Variants in ANGPTL5 observed in about 807,000 individuals in gnomAD.
The protein encoded by ANGPTL5 is angiopoietin-related protein 5.
A neutral mutation model predicts 39.4 loss-of-function variants in ANGPTL5; 34 were observed. That is an observed-to-expected ratio of 0.86 (90% CI 0.66 to 1.15). ANGPTL5 has a LOEUF of 1.15. ANGPTL5 is among the 50% of genes most tolerant of loss of function. ANGPTL5 has a pLI of 0.00. For missense variants in ANGPTL5, 467 were observed against 457.5 expected (o/e 1.02, Z -0.19); for synonymous variants, 146 against 152.1 (o/e 0.96, Z 0.29).
At chr11:101,897,689 C>T (rs1011858836) in intron 7 of ANGPTL5, among the ~76,000 whole-genome samples, 1 of 152,038 alleles carries the variant, frequency 6.6e-6, no homozygotes, top group Non-Finnish European at 1.5e-5. Flanking sequence ...ATTTCTGAGG[C>T]CTCTGTTCTA....
chr11:101,900,227 TA>T (rs1315013392), intron 7 of ANGPTL5, among the ~76,000 whole-genome samples: 4 of 152,210 alleles, frequency 2.6e-5, no homozygotes. Context: ...TTTCACCAGA[TA>T]TCTACAAATA....
rs1015891137 is a variant in ANGPTL5 at position 101,907,153 on chromosome 11, G to C, written c.191C>G (p.Ser64Ter). 3 of 1,593,236 alleles carry C rather than the reference G, an allele frequency of 1.9e-6. No individual in the cohort carries two copies. The highest frequency in any genetic ancestry group is 3.4e-5 in the Admixed American group (2 of 59,320). Residue 64 changes from serine (S) to a stop codon, truncating the protein, a stop_gained, in exon 3 of 9, where the codon TCA becomes TGA. Transcript: ENST00000334289. LOFTEE classifies it high-confidence loss of function. Reference protein sequence around the residue: ...DTVCKEDCEESCDVKTKITRE... With the variant: ...DTVCKEDCEE Reference sequence around the variant, plus strand: ...TGTAATTTTAGTTTTAACATCACATGATTCCTCACAGTCTTCCTTACAAAC... The same window carrying C: ...TGTAATTTTAGTTTTAACATCACATCATTCCTCACAGTCTTCCTTACAAAC...
At chr11:101,910,752 G>T (rs562127529) in intron 1 of ANGPTL5, among the ~76,000 whole-genome samples, 1 of 152,038 alleles carries the variant, frequency 6.6e-6, no homozygotes, top group Non-Finnish European at 1.5e-5. Context: ...TTGGCTCAAG[G>T]TTCAAACTGT....
At chr11:101,892,022 GA>G (rs1351251387) in intron 8 of ANGPTL5, among the ~76,000 whole-genome samples, 1 of 152,090 alleles carries the variant, frequency 6.6e-6, no homozygotes, top group African/African-American at 2.4e-5. Context: ...TTACCTTTAA[GA>G]AATTTAGATT....
At position 101,904,729 on chromosome 11, in the gene ANGPTL5, A is replaced by C. The variant is rs1939967777; in HGVS notation, c.439+85T>G. On this transcript the variant is annotated intron_variant, in intron 5 of 8. Coordinates refer to ENST00000334289, the MANE Select transcript of ANGPTL5 (RefSeq NM_178127.5). ...AACGGTGAGCTGTAGTTTTTAAATA[A>C]AACTTTTAAATGGATCGACCTGTCC... 1.0e-5 allele frequency: 13 copies of C among 1,256,614 alleles called. No homozygotes were observed. In the South Asian group the frequency reaches 1.1e-4, roughly 11 times the overall value. The allele number at this position is 1,256,614 out of a possible 1,614,324, so 77.8% of individuals were successfully genotyped here. A position where few individuals can be genotyped will look rare whatever the true frequency, so the allele number is the denominator to read the frequency against.
chr11:101,915,422 C>T (rs988980652), intron 1 of ANGPTL5: 1 of 1,600,856 alleles, frequency 6.2e-7, no homozygotes, highest in African/African-American at 1.3e-5. Context: ...TGTATCCTTC[C>T]CAGCCTGTGG....
At chr11:101,899,916 T>A (rs1939863310) in intron 7 of ANGPTL5, among the ~76,000 whole-genome samples, 1 of 152,246 alleles carries the variant, frequency 6.6e-6, no homozygotes, top group Non-Finnish European at 1.5e-5. Flanking sequence ...GGCAATAATG[T>A]AAACAGATTT....
chr11:101,906,113 T>A (rs1939993621), intron 3 of ANGPTL5, among the ~76,000 whole-genome samples: 2 of 152,108 alleles, frequency 1.3e-5, no homozygotes. Context: ...TCTGTTATCA[T>A]TAAGAGACAG....
chr11:101,907,241 A>G lies in ANGPTL5; in HGVS notation c.103T>C (p.Ser35Pro). Residue 35 changes from serine to proline, a missense_variant, in exon 3 of 9, where the codon TCA becomes CCA. Transcript: ENST00000334289. ...CCATCTTCTACAATGTTAACTACTG[A>G]AGAGTCCTTTATATTAAAAAATAGA... Reference protein sequence around the residue: ...GNCVHHSTDSSVVNIVEDGSN... With the variant: ...GNCVHHSTDSPVVNIVEDGSN... The G allele has an allele frequency of 1.3e-6, 2 of 1,491,706 alleles. No homozygotes were observed. Among genetic ancestry groups the G allele is most frequent in the Non-Finnish European group, 1.8e-6 (2 of 1,083,864 alleles). The allele number at this position is 1,491,706 out of a possible 1,614,324, so 92.4% of individuals were successfully genotyped here. A position where few individuals can be genotyped will look rare whatever the true frequency, so the allele number is the denominator to read the frequency against.
intron 8 of ANGPTL5, among the ~76,000 whole-genome samples, chr11:101,893,661 T>G (rs1040037872): frequency 2.0e-5 from 3 of 152,194 alleles, no homozygotes; most frequent in African/African-American, 7.2e-5. Flanking sequence ...ATATAGTATA[T>G]TCCACCTTTA....
In ANGPTL5 at chr11:101,894,871, A is replaced by T; in HGVS notation, c.847+8T>A. On this transcript the variant is annotated splice_region_variant and intron_variant, in intron 8 of 8. Coordinates refer to ENST00000334289, the MANE Select transcript of ANGPTL5 (RefSeq NM_178127.5). ...TCTGGATAATTTTAGGAATAAAAAA[A>T]ATCTTACCAGCATTTCCTGAATACC... The T allele has an allele frequency of 6.2e-7, 1 of 1,608,002 alleles. No individual in the cohort carries two copies. The highest frequency in any genetic ancestry group is 8.5e-7 in the Non-Finnish European group (1 of 1,174,814).
intron 1 of ANGPTL5, among the ~76,000 whole-genome samples, chr11:101,910,523 TCAA>T (rs1395213762): frequency 6.6e-6 from 1 of 151,782 alleles, no homozygotes; most frequent in African/African-American, 2.4e-5. Context: ...AAATAAAACA[TCAA>T]CGATTTATGA....
intron 6 of ANGPTL5, among the ~76,000 whole-genome samples, chr11:101,902,305 G>C (rs917113112): frequency 6.6e-6 from 1 of 152,058 alleles, no homozygotes; most frequent in African/African-American, 2.4e-5. Context: ...ATATTGCATA[G>C]TTCTGCCTGC....
rs1565338038 is a variant in ANGPTL5, at chr11:101,895,039, CT to C, written c.686del (p.Lys229ArgfsTer5). ...LLGEFWLGLK[K>X]IFYIVNQKNT... The stretch of plus-strand genomic sequence containing the variant: ...TTTTCTGATTTACTATATAAAAAAT[CT>C]TTTTCAGTCCTAGCCAAAATTCTCC... On this transcript the variant is annotated frameshift_variant, in exon 8 of 9. Transcript: ENST00000334289. LOFTEE classifies it high-confidence loss of function. 6.2e-7 allele frequency: 1 copy of C among 1,601,794 alleles called. No individual in the cohort carries two copies. Among genetic ancestry groups the C allele is most frequent in the East Asian group, 2.2e-5 (1 of 44,688 alleles).
At chr11:101,915,258 A>C in intron 1 of ANGPTL5, 1 of 1,612,246 alleles carries the variant, frequency 6.2e-7, no homozygotes, top group Non-Finnish European at 8.5e-7. Flanking sequence ...TCTGGGGGCG[A>C]GCAGACAGGC....
At chr11:101,897,988 CCG>C (rs1939829118) in intron 7 of ANGPTL5, among the ~76,000 whole-genome samples, 1 of 152,054 alleles carries the variant, frequency 6.6e-6, no homozygotes, top group African/African-American at 2.4e-5. Context: ...CTTTGGGAGG[CCG>C]AGGCAGGTGG....
chr11:101,913,481 G>A (rs1436881141), intron 1 of ANGPTL5, among the ~76,000 whole-genome samples: 1 of 152,134 alleles, frequency 6.6e-6, no homozygotes. Context: ...TTCAGTTGGA[G>A]GCACACTCCC....
intron 7 of ANGPTL5, among the ~76,000 whole-genome samples, chr11:101,896,324 A>G (rs1939794189): frequency 6.6e-6 from 1 of 151,494 alleles, no homozygotes; most frequent in Non-Finnish European, 1.5e-5. Context: ...AGCTGGGATT[A>G]CAGAGGCATG....
intron 7 of ANGPTL5, among the ~76,000 whole-genome samples, chr11:101,895,552 A>AT (rs757545644): frequency 2.0e-5 from 3 of 152,112 alleles, no homozygotes; most frequent in Non-Finnish European, 4.4e-5. Flanking sequence ...AGTTGAAATT[A>AT]TTTTTTTCTG....
Sources: gnomAD v4.1 joint callset for allele counts (sites outside exome capture counted in the v4.1 genomes callset) on GRCh38, gnomAD v4.1.1 for gene constraint, MANE v1.5 for transcripts, NCBI Gene and HGNC (gene_info 2026-07-23, HGNC 2026-07-21) for gene names.